RPS6KA6: variants seen among roughly 807,000 people sequenced by gnomAD.
RPS6KA6 encodes ribosomal protein S6 kinase alpha-6.
RPS6KA6 carries 27 observed loss-of-function variants against 65.4 expected under a neutral mutation model. The ratio of observed to expected loss-of-function variants is 0.41; its 90% CI spans 0.30 to 0.57. RPS6KA6 has a LOEUF of 0.57. Among genes scored for constraint, RPS6KA6 ranks in the 20% least tolerant of loss-of-function variants. RPS6KA6 has a pLI of 0.24. For missense variants in RPS6KA6, 486 were observed against 555.6 expected (o/e 0.87, Z 1.26); for synonymous variants, 190 against 184.2 (o/e 1.03, Z -0.26).
At chrX:84,082,400 G>C (rs1254024471) in intron 20 of RPS6KA6, among the ~76,000 whole-genome samples, 1 of 111,577 alleles carries the variant, frequency 9.0e-6, no homozygotes. Context: ...CGATGTGAAG[G>C]ACCTCTTCAA....
chrX:84,064,399 C>T lies in RPS6KA6; in HGVS notation c.2116G>A (p.Ala706Thr). Residue 706 changes from alanine to threonine, a missense_variant, in exon 22 of 22, where the codon GCA (alanine) becomes ACA (threonine). By Grantham distance (58) the Ala-to-Thr change is moderately conservative. Around this residue, in one of 3 missense-constraint regions of RPS6KA6, gnomAD observed 345 missense variants for 375.0 expected, o/e 0.92. Transcript: ENST00000262752. ...AGGGCAGAGTATGTTGCAACCATTG[C>T]TCCCTAAAGTAATGAGAAAATGCCA... ...RNDVSHVVKGAMVATYSALTH... is the reference protein window; with the variant it reads ...RNDVSHVVKGTMVATYSALTH... 1 of 1,190,339 alleles carries T rather than the reference C, an allele frequency of 8.4e-7. No homozygotes were observed. Among genetic ancestry groups the T allele is most frequent in the Non-Finnish European group, 1.1e-6 (1 of 887,224 alleles).
At chrX:84,101,585 T>C (rs2034260269) in intron 18 of RPS6KA6, among the ~76,000 whole-genome samples, 2 of 111,249 alleles carry the variant, frequency 1.8e-5, no homozygotes, top group South Asian at 7.4e-4. Context: ...ATATGTTATT[T>C]ATAATGCTAA....
intron 20 of RPS6KA6, among the ~76,000 whole-genome samples, chrX:84,089,054 A>T (rs971988301): frequency 9.1e-6 from 1 of 109,820 alleles, no homozygotes; most frequent in Non-Finnish European, 1.9e-5. Flanking sequence ...CTAGGGAAAC[A>T]TCAAATTTCT....
intron 3 of RPS6KA6, 138 bp downstream of exon 3, chrX:84,155,937 T>A: frequency 2.4e-6 from 1 of 419,478 alleles, no homozygotes. Flanking sequence ...ATGAAAGGAA[T>A]AAAATTAAAG....
chrX:84,115,747 T>C (rs982086271), intron 12 of RPS6KA6, among the ~76,000 whole-genome samples: 72 of 111,924 alleles, frequency 6.4e-4, no homozygotes, highest in Non-Finnish European at 9.4e-4. Context: ...AATAGGTATA[T>C]AGACACCATG....
At chrX:84,157,138 G>C (rs186862048) in intron 2 of RPS6KA6, among the ~76,000 whole-genome samples, 17 of 111,700 alleles carry the variant, frequency 1.5e-4, no homozygotes, top group Admixed American at 1.4e-3. Flanking sequence ...AAGCCAAAGT[G>C]AACAAGAGTA....
In RPS6KA6 at chrX:84,174,842, T is replaced by C. The variant is rs1257279533; in HGVS notation, c.82-10455A>G. ...CTCTTGGTTACCCCAGTACCTAGCA[T>C]AATATCTGGAACATAATAGACACTG... On this transcript the variant is annotated intron_variant, in intron 1 of 21. Coordinates refer to ENST00000262752, the MANE Select transcript of RPS6KA6 (RefSeq NM_014496.5). 4.5e-5 allele frequency among the ~76,000 whole-genome samples: 5 copies of C among 111,666 alleles called. No homozygotes were observed. In the East Asian group the frequency reaches 1.4e-3, roughly 31 times the overall value.
At chrX:84,070,960 T>C (rs1440415269) in intron 20 of RPS6KA6, among the ~76,000 whole-genome samples, 2 of 111,554 alleles carry the variant, frequency 1.8e-5, no homozygotes, top group Admixed American at 9.6e-5. Context: ...GTTTTCAGGA[T>C]ATCAGATGTT....
chrX:84,074,243 A>T (rs545335431), intron 20 of RPS6KA6, among the ~76,000 whole-genome samples: 7 of 112,056 alleles, frequency 6.2e-5, no homozygotes, highest in African/African-American at 1.9e-4. Context: ...CATTATGTTA[A>T]AGAAAATAAG....
intron 13 of RPS6KA6, among the ~76,000 whole-genome samples, 196 bp downstream of exon 13, chrX:84,107,427 C>T (rs1053317745): frequency 8.9e-6 from 1 of 112,434 alleles, no homozygotes; most frequent in Non-Finnish European, 1.9e-5. Flanking sequence ...TTCCTTCCTT[C>T]CTGATAAATA....
intron 2 of RPS6KA6, among the ~76,000 whole-genome samples, chrX:84,163,007 AG>A (rs747068154): frequency 2.6e-4 from 29 of 112,241 alleles, no homozygotes; most frequent in Non-Finnish European, 4.7e-4. Context: ...ATAGTTACAT[AG>A]AACATTTCAA....
At chrX:84,173,947 C>T (rs1033921826) in intron 1 of RPS6KA6, among the ~76,000 whole-genome samples, 2 of 112,066 alleles carry the variant, frequency 1.8e-5, no homozygotes, top group African/African-American at 6.5e-5. Flanking sequence ...TATACATACT[C>T]ATGAACATAC....
rs144135820 is a variant in RPS6KA6, at chrX:84,081,647, C to T, written c.1971+14547G>A. Among the ~76,000 whole-genome samples, 266 of 109,376 alleles carry T rather than the reference C, an allele frequency of 2.4e-3. 2 individuals are homozygous for T. The highest frequency in any genetic ancestry group is 8.2e-3 in the African/African-American group (249 of 30,379). The allele number at this position is 109,376 out of a possible 115,157, so 95.0% of individuals were successfully genotyped here. The stretch of plus-strand genomic sequence containing the variant: ...CAGTATCATCCTGAGAGCAAACCTT[C>T]CAGAGAAACAACAACATATCCCAGA... On this transcript the variant is annotated intron_variant, in intron 20 of 21. Coordinates refer to ENST00000262752, the MANE Select transcript of RPS6KA6 (RefSeq NM_014496.5).
intron 20 of RPS6KA6, among the ~76,000 whole-genome samples, chrX:84,073,536 C>T (rs2033594067): frequency 9.0e-6 from 1 of 110,881 alleles, no homozygotes; most frequent in Non-Finnish European, 1.9e-5. Context: ...GGGATTACCT[C>T]AAACTAAAAA....
At chrX:84,083,550 G>A (rs987424744) in intron 20 of RPS6KA6, among the ~76,000 whole-genome samples, 1 of 112,128 alleles carries the variant, frequency 8.9e-6, no homozygotes, top group South Asian at 3.7e-4. Context: ...TCCCTGCAAA[G>A]AACATCCTTT....
intron 6 of RPS6KA6, among the ~76,000 whole-genome samples, chrX:84,138,025 G>T (rs963426827): frequency 9.0e-6 from 1 of 111,586 alleles, no homozygotes; most frequent in African/African-American, 3.3e-5. Flanking sequence ...TTATTATAGG[G>T]TAATTGTTTT....
intron 8 of RPS6KA6, among the ~76,000 whole-genome samples, chrX:84,125,724 G>A (rs1266552471): frequency 9.0e-6 from 1 of 110,574 alleles, no homozygotes; most frequent in Non-Finnish European, 1.9e-5. Flanking sequence ...TGTGGTGGCA[G>A]GTGCCTGTAG....
At chrX:84,156,029 T>C in intron 3 of RPS6KA6, 46 bp downstream of exon 3, 1 of 751,076 alleles carries the variant, frequency 1.3e-6, no homozygotes, top group Non-Finnish European at 2.1e-6. Context: ...CTTTTTTTGC[T>C]AAATGTTTAG....
intron 20 of RPS6KA6, among the ~76,000 whole-genome samples, chrX:84,067,455 C>T (rs1359325192): frequency 9.0e-6 from 1 of 111,700 alleles, no homozygotes; most frequent in East Asian, 2.8e-4. Flanking sequence ...AGCTGAAAAA[C>T]AGCAAGAGAA....
Sources: allele counts gnomAD v4.1 joint callset (sites outside exome capture counted in the v4.1 genomes callset), GRCh38; gene constraint gnomAD v4.1.1; regional missense constraint gnomAD v4.1.1; transcripts MANE v1.5; gene names NCBI Gene and HGNC (gene_info 2026-07-23, HGNC 2026-07-21).